FAM177A1: variants seen among roughly 807,000 people sequenced by gnomAD.
The protein encoded by FAM177A1 is family with sequence similarity 177 member A1, also known as protein FAM177A1.
A neutral mutation model predicts 26.1 loss-of-function variants in FAM177A1; 22 were observed. The observed-to-expected ratio is 0.84, with a 90% CI of 0.60 to 1.20. The LOEUF is 1.20. Ranked by LOEUF, FAM177A1 falls within the 50% of genes most tolerant of loss-of-function variation. The pLI is 0.00. For synonymous variants in FAM177A1, 95 were observed against 99.3 expected (o/e 0.96, Z 0.26); for missense variants, 296 against 291.1 (o/e 1.02, Z -0.12).
chr14:35,056,289 C>T (rs1444618348), intron 2 of FAM177A1, among the ~76,000 whole-genome samples: 4 of 152,154 alleles, frequency 2.6e-5, no homozygotes. Flanking sequence ...CCCACCTCAG[C>T]TTCTCAAAGT....
chr14:35,081,221 C>T lies in FAM177A1; in HGVS notation c.704C>T (p.Pro235Leu), dbSNP rs769611643. The T allele has an allele frequency of 2.0e-5, 32 of 1,608,100 alleles. No homozygotes were observed. The highest frequency in any genetic ancestry group is 2.7e-5 in the African/African-American group (2 of 74,550). ...MESKQNPVSVPP is the reference protein window; with the variant it reads ...MESKQNPVSVLP ...AGCAAGCAAAATCCAGTCTCTGTCC[C>T]ACCATAAAATGAAATGACTATCAAG... Residue 235 changes from proline to leucine, a missense_variant, in exon 5 of 5, where the codon CCA (proline) becomes CTA (leucine). Transcript: ENST00000280987.
intron 2 of FAM177A1, chr14:35,054,591 A>C (rs1052054274): frequency 1.3e-5 from 2 of 152,214 alleles, no homozygotes; most frequent in African/African-American, 4.8e-5. Flanking sequence ...TATAAAGAAA[A>C]TTAAGCATAG....
At chr14:35,058,925 A>C (rs2045104754) in intron 2 of FAM177A1, among the ~76,000 whole-genome samples, 2 of 152,048 alleles carry the variant, frequency 1.3e-5, no homozygotes, top group Non-Finnish European at 1.5e-5. Flanking sequence ...TGATATTGCC[A>C]TGTGAGCTTT....
chr14:35,075,584 C>A (rs1259654777), intron 2 of FAM177A1, among the ~76,000 whole-genome samples: 2 of 151,520 alleles, frequency 1.3e-5, no homozygotes, highest in African/African-American at 2.4e-5. Context: ...GCAACAAAAG[C>A]CAAAATTGAC....
At chr14:35,046,825 C>T (rs1341085281) in intron 1 of FAM177A1, 197 bp downstream of exon 1, 19 of 1,367,696 alleles carry the variant, frequency 1.4e-5, no homozygotes, top group East Asian at 3.0e-5. Context: ...CTCACCAACC[C>T]CTTGGCTGGC....
chr14:35,068,256 T>C (rs145683562), intron 2 of FAM177A1, among the ~76,000 whole-genome samples: 31 of 152,368 alleles, frequency 2.0e-4, no homozygotes, highest in African/African-American at 7.5e-4. Context: ...TGTTAACAGA[T>C]GATTGGTATC....
At chr14:35,073,881 G>T (rs906724253) in intron 2 of FAM177A1, among the ~76,000 whole-genome samples, 2 of 152,060 alleles carry the variant, frequency 1.3e-5, no homozygotes, top group Non-Finnish European at 2.9e-5. Flanking sequence ...TCAGAATAGG[G>T]CACTTTGATC....
chr14:35,045,370 A>G (rs530874688), upstream of FAM177A1, among the ~76,000 whole-genome samples: 3 of 152,202 alleles, frequency 2.0e-5, no homozygotes, highest in Non-Finnish European at 4.4e-5. Context: ...GAAGTGTACA[A>G]TAACATTAGG....
chr14:35,049,292 G>C lies in FAM177A1; in HGVS notation c.165+2664G>C, dbSNP rs192096904. ...GGAGTTAAAATTTCAGTACCACTCAGTGATTGATTTATTTGGTACCTCTGT... is the reference window on the plus strand; with the variant it reads ...GGAGTTAAAATTTCAGTACCACTCACTGATTGATTTATTTGGTACCTCTGT... On this transcript the variant is annotated intron_variant, in intron 1 of 4. Coordinates refer to ENST00000280987, the MANE Select transcript of FAM177A1 (RefSeq NM_173607.5). Among the ~76,000 whole-genome samples, 4 of 152,274 alleles carry C rather than the reference G, an allele frequency of 2.6e-5. 1 individual carries two copies. The highest frequency in any genetic ancestry group is 9.6e-5 in the African/African-American group (4 of 41,568).
intron 3 of FAM177A1, 65 bp from the exon 4 acceptor site, chr14:35,078,862 C>T (rs1357905322): frequency 4.4e-6 from 5 of 1,148,260 alleles, no homozygotes; most frequent in African/African-American, 3.3e-5. Flanking sequence ...CAGTGTCTTA[C>T]ACATAGAAAG....
chr14:35,076,969 A>G (rs966960222), intron 2 of FAM177A1, among the ~76,000 whole-genome samples, 181 bp from the exon 3 acceptor site: 2 of 152,102 alleles, frequency 1.3e-5, no homozygotes, highest in Non-Finnish European at 2.9e-5. Context: ...GGGTGAATGT[A>G]AAATATCTTT....
intron 1 of FAM177A1, among the ~76,000 whole-genome samples, chr14:35,052,833 G>A (rs1379853473): frequency 2.6e-5 from 4 of 151,986 alleles, no homozygotes; most frequent in Non-Finnish European, 4.4e-5. Context: ...GACACAGAAG[G>A]ATCACTTGAG....
intron 1 of FAM177A1, chr14:35,050,046 T>A (rs1339916325): frequency 6.6e-6 from 1 of 152,214 alleles, no homozygotes; most frequent in Non-Finnish European, 1.5e-5. Context: ...CTCACTCTGT[T>A]GCCCAGGCTG....
At chr14:35,060,765 A>G (rs1456657486) in intron 2 of FAM177A1, among the ~76,000 whole-genome samples, 1 of 152,076 alleles carries the variant, frequency 6.6e-6, no homozygotes, top group Non-Finnish European at 1.5e-5. Context: ...CTTTATTTGT[A>G]GTTTTGCTTT....
At chr14:35,071,720 C>A (rs900247265) in intron 2 of FAM177A1, among the ~76,000 whole-genome samples, 1 of 152,094 alleles carries the variant, frequency 6.6e-6, no homozygotes, top group African/African-American at 2.4e-5. Context: ...CAATTATTCT[C>A]GCCAGAAACA....
At chr14:35,045,609 A>T (rs2044848195), upstream of FAM177A1, among the ~76,000 whole-genome samples, 1 of 152,198 alleles carries the variant, frequency 6.6e-6, no homozygotes, top group Non-Finnish European at 1.5e-5. Flanking sequence ...CTTTCATGCT[A>T]AAACAACAAT....
At chr14:35,054,689 A>G (rs774813727) in intron 2 of FAM177A1, 2 of 152,020 alleles carry the variant, frequency 1.3e-5, no homozygotes, top group Non-Finnish European at 2.9e-5. Flanking sequence ...CTATTAGAAA[A>G]TCATGCCAGG....
chr14:35,081,156 C>A lies in FAM177A1; in HGVS notation c.639C>A (p.Val213=). ...TGATATCCAGCTCATTTGTGAATGTCAATTTTGAAATGGAGGGAGACAGTG... is the reference window on the plus strand; with the variant it reads ...TGATATCCAGCTCATTTGTGAATGTAAATTTTGAAATGGAGGGAGACAGTG... The part of the protein sequence containing the change: ...ETVISSSFVN[V]NFEMEGDSEV... The change falls in exon 5 of 5, where the codon GTC becomes GTA. Residue 213 remains valine (V), a synonymous_variant. Coordinates refer to ENST00000280987, the MANE Select transcript of FAM177A1 (RefSeq NM_173607.5). The A allele has an allele frequency of 6.2e-7, 1 of 1,613,300 alleles. No individual in the cohort carries two copies. Among genetic ancestry groups the A allele is most frequent in the East Asian group, 2.2e-5 (1 of 44,760 alleles).
intron 2 of FAM177A1, among the ~76,000 whole-genome samples, chr14:35,056,796 G>A (rs780710982): frequency 3.3e-5 from 5 of 152,116 alleles, no homozygotes; most frequent in Non-Finnish European, 7.3e-5. Context: ...AGTCAGTTGT[G>A]TATGAGTTTG....
Sources: gnomAD v4.1 joint callset for allele counts (sites outside exome capture counted in the v4.1 genomes callset) on GRCh38, gnomAD v4.1.1 for gene constraint, MANE v1.5 for transcripts, NCBI Gene and HGNC (gene_info 2026-07-23, HGNC 2026-07-21) for gene names.